CTCF: variants seen among roughly 807,000 people sequenced by gnomAD.
The protein encoded by CTCF is transcriptional repressor CTCF.
CTCF carries 7 observed loss-of-function variants against 72.3 expected under a neutral mutation model. The observed-to-expected ratio is 0.10, with a 90% CI of 0.06 to 0.18. The LOEUF (loss-of-function observed/expected upper bound fraction) is 0.18. CTCF is among the 10% of genes least tolerant of loss of function. The pLI is 1.00. For synonymous variants in CTCF, 374 were observed against 315.8 expected, an observed-to-expected ratio of 1.18 and a Z score of -1.95; for missense variants, 516 against 949.1, an observed-to-expected ratio of 0.54 and a Z score of 6.00.
chr16:67,582,888 A>G (rs571325941), intron 2 of CTCF, among the ~76,000 whole-genome samples: 4 of 152,200 alleles, frequency 2.6e-5, no homozygotes, highest in East Asian at 3.9e-4. Flanking sequence ...GTTAACAGCT[A>G]TGTAGATTAT....
rs2142825662 is a variant in CTCF at position 67,611,310 on chromosome 16, T to C, written c.478T>C (p.Leu160=). The change falls in exon 3 of 12, where the codon TTG becomes CTG. Residue 160 remains leucine (L), a synonymous_variant. Transcript: ENST00000264010. ...ACCCATGATATGCCACACCCTACCT[T>C]TGCCTGAAGGGTTTCAGGTGGTTAA... The part of the protein sequence containing the change: ...SEPMICHTLP[L]PEGFQVVKVG... The C allele has an allele frequency of 6.2e-7, 1 of 1,614,012 alleles. No homozygotes were observed. Among genetic ancestry groups the C allele is most frequent in the East Asian group, 2.2e-5 (1 of 44,876 alleles).
At chr16:67,585,193 G>T (rs558185552) in intron 2 of CTCF, among the ~76,000 whole-genome samples, 1 of 152,152 alleles carries the variant, frequency 6.6e-6, no homozygotes, top group Admixed American at 6.5e-5. Flanking sequence ...GGGACTACAG[G>T]CATGCACCAT....
chr16:67,565,785 TAAGAGC>T (rs4024067), intron 1 of CTCF, among the ~76,000 whole-genome samples: 6,295 of 152,212 alleles, frequency 0.041, 433 homozygotes, highest in African/African-American at 0.14. Context: ...ATTCAAATTC[TAAGAGC>T]TTTAGGATTT....
At position 67,637,867 on chromosome 16, in the gene CTCF, C is replaced by A; in HGVS notation, c.2179C>A (p.Arg727=). 6.2e-7 allele frequency: 1 copy of A among 1,607,914 alleles called. No homozygotes were observed. The highest frequency in any genetic ancestry group is 8.5e-7 in the Non-Finnish European group (1 of 1,177,288). ...TPEMILSMMD[R] Reference sequence around the variant, plus strand: ...CGAGATGATCCTCAGCATGATGGACCGGTGATGGCGGAGCCTTGTGCGTCG... The same window carrying A: ...CGAGATGATCCTCAGCATGATGGACAGGTGATGGCGGAGCCTTGTGCGTCG... The change falls in exon 12 of 12, where the codon CGG becomes AGG. Residue 727 remains arginine (R), a synonymous_variant. Coordinates refer to ENST00000264010, the MANE Select transcript of CTCF (RefSeq NM_006565.4).
rs763765410 is a variant in CTCF at position 67,626,566 on chromosome 16, C to A, written c.1369C>A (p.Arg457=). ...TACTGTGCTTTCAGGTGTCCACTTG[C>A]GAAAGCAGCATTCCTATATTGAGCA... ...ARKSDLGVHL[R]KQHSYIEQGK... The change falls in exon 8 of 12, where the codon CGA becomes AGA. Residue 457 remains arginine, a synonymous_variant. Transcript: ENST00000264010. 8.0e-6 allele frequency: 12 copies of A among 1,492,706 alleles called. No individual in the cohort carries two copies. In the East Asian group the frequency reaches 2.6e-4, roughly 33 times the overall value. The allele number at this position is 1,492,706 out of a possible 1,614,324, so 92.5% of individuals were successfully genotyped here. A position where few individuals can be genotyped will look rare whatever the true frequency, so the allele number is the denominator to read the frequency against.
chr16:67,617,607 G>C (rs963661186), intron 5 of CTCF, among the ~76,000 whole-genome samples: 4 of 152,056 alleles, frequency 2.6e-5, no homozygotes, highest in Non-Finnish European at 5.9e-5. Context: ...ACTTGAACCC[G>C]GGAGGTGGAG....
At position 67,631,154 on chromosome 16, in the gene CTCF, G is replaced by GTTTTTTT. The variant is rs766362012; in HGVS notation, c.1837+1625_1837+1631dup. 1.9e-3 allele frequency among the ~76,000 whole-genome samples: 234 copies of GTTTTTTT among 124,940 alleles called. 22 individuals carry two copies. Among genetic ancestry groups the GTTTTTTT allele is most frequent in the African/African-American group, 4.4e-3 (132 of 29,766 alleles). The allele number at this position is 124,940 out of a possible 152,430, so 82.0% of individuals were successfully genotyped here. ...ATTGGGCTTTTTTTGTTCTTTGTTT[G>GTTTTTTT]TTTTTTTTTTGTTTTTTGTTTTTTT... On this transcript the variant is annotated intron_variant, in intron 10 of 11. Transcript: ENST00000264010.
At chr16:67,581,358 C>T (rs1414818282) in intron 2 of CTCF, among the ~76,000 whole-genome samples, 1 of 150,614 alleles carries the variant, frequency 6.6e-6, no homozygotes, top group Non-Finnish European at 1.5e-5. Context: ...AGTCTCACTC[C>T]GTCTCCCGTG....
At chr16:67,606,856 G>T (rs1466795521) in intron 2 of CTCF, among the ~76,000 whole-genome samples, 1 of 149,776 alleles carries the variant, frequency 6.7e-6, no homozygotes, top group Non-Finnish European at 1.5e-5. Context: ...TCCGCCTCCA[G>T]GCTTCAAGCA....
At chr16:67,583,503 A>C (rs1410881648) in intron 2 of CTCF, among the ~76,000 whole-genome samples, 1 of 151,594 alleles carries the variant, frequency 6.6e-6, no homozygotes, top group Non-Finnish European at 1.5e-5. Context: ...CCTGGCCAAC[A>C]TGGTGAAACC....
chr16:67,627,915 TC>T (rs2052312798), intron 8 of CTCF: 1 of 119,510 alleles, frequency 8.4e-6, no homozygotes, highest in Admixed American at 9.8e-5. Context: ...AGAGTGAGAC[TC>T]CATCTCAAAA....
At chr16:67,610,699 T>C (rs1055712559) in intron 2 of CTCF, 125 bp from the exon 3 acceptor site, 35 of 649,206 alleles carry the variant, frequency 5.4e-5, no homozygotes, top group Middle Eastern at 4.8e-4. Context: ...CTGTTGTGTC[T>C]TTTTTAATAT....
chr16:67,635,478 GTTTT>G (rs1215111609), intron 10 of CTCF: 1 of 151,590 alleles, frequency 6.6e-6, no homozygotes, highest in Non-Finnish European at 1.5e-5. Context: ...TTTCGTTTTT[GTTTT>G]TTGTTTGTTT....
intron 2 of CTCF, among the ~76,000 whole-genome samples, chr16:67,605,573 A>G (rs1236191572): frequency 6.6e-6 from 1 of 152,226 alleles, no homozygotes; most frequent in East Asian, 1.9e-4. Context: ...TTCCAGGCAG[A>G]TGGTGGGGTT....
At chr16:67,612,355 A>G (rs2052072245) in intron 4 of CTCF, 5 of 348,450 alleles carry the variant, frequency 1.4e-5, no homozygotes, top group Non-Finnish European at 2.6e-5. Flanking sequence ...AGTCTCAGGC[A>G]ATAGATGCCT....
At chr16:67,613,803 T>C (rs561750488) in intron 4 of CTCF, among the ~76,000 whole-genome samples, 13 of 152,152 alleles carry the variant, frequency 8.5e-5, no homozygotes, top group Middle Eastern at 3.4e-3. Flanking sequence ...AATAAATAAA[T>C]GGCCCCATAA....
intron 4 of CTCF, chr16:67,616,076 A>G (rs1387647476): frequency 6.6e-6 from 1 of 152,334 alleles, no homozygotes; most frequent in Non-Finnish European, 1.5e-5. Flanking sequence ...TGTAGAGAGT[A>G]TATTATTCAT....
At chr16:67,581,839 C>T (rs1597687231) in intron 2 of CTCF, among the ~76,000 whole-genome samples, 2 of 152,162 alleles carry the variant, frequency 1.3e-5, no homozygotes, top group Admixed American at 6.5e-5. Context: ...AGCGTTTTGT[C>T]ATGTTGACTG....
intron 2 of CTCF, among the ~76,000 whole-genome samples, chr16:67,583,666 G>A (rs1285033306): frequency 2.6e-5 from 4 of 151,226 alleles, no homozygotes; most frequent in African/African-American, 7.3e-5. Context: ...CAGCCTGGGC[G>A]ACAGAGTGAG....
Sources: gnomAD v4.1 joint callset for allele counts (sites outside exome capture counted in the v4.1 genomes callset) on GRCh38, gnomAD v4.1.1 for gene constraint, MANE v1.5 for transcripts, NCBI Gene and HGNC (gene_info 2026-07-23, HGNC 2026-07-21) for gene names.